Variants in QRICH2 observed in about 807,000 individuals in gnomAD.
The protein encoded by QRICH2 is glutamine-rich protein 2.
In QRICH2, 119 loss-of-function variants were observed where a neutral mutation model predicts 168.3. That is an observed-to-expected ratio of 0.71 (90% CI 0.61 to 0.82). The LOEUF is 0.82. Among genes scored for constraint, QRICH2 ranks in the 40% least tolerant of loss-of-function variants. QRICH2 has a pLI of 0.00. For missense variants in QRICH2, 2,241 were observed against 2,491.6 expected (o/e 0.90, Z 2.14); for synonymous variants, 894 against 951.2 (o/e 0.94, Z 1.11).
Position 76,307,917 on chromosome 17 carries a change from T to G in QRICH2, c.82A>C (p.Thr28Pro), listed in dbSNP as rs1436893039. 11 of 1,239,024 alleles carry G rather than the reference T, an allele frequency of 8.9e-6. No homozygotes were observed. The highest frequency in any genetic ancestry group is 1.1e-5 in the Non-Finnish European group (11 of 992,046). The allele number at this position is 1,239,024 out of a possible 1,614,324, so 76.8% of individuals were successfully genotyped here. Residue 28 changes from threonine to proline, a missense_variant, in exon 1 of 19, where the codon ACG (threonine) becomes CCG (proline). Transcript: ENST00000680821. This position sits in a 1 kb window ranked among gnomAD's most constrained non-coding sequence, Gnocchi z 5.3. ...GCCACGATGAGCGTGTGCAGGGCCG[T>G]GAAGTTGACGGCGCCCACCTCTGGC... ...GTPEVGAVNF[T>P]ALHTLIVAML...
In QRICH2 at chr17:76,274,163, C is replaced by G; in HGVS notation, c.5580G>C (p.Arg1860Ser). The G allele has an allele frequency of 6.3e-7, 1 of 1,582,706 alleles. No homozygotes were observed. The highest frequency in any genetic ancestry group is 8.5e-7 in the Non-Finnish European group (1 of 1,170,106). Residue 1860 changes from arginine to serine, a missense_variant, in exon 19 of 19, where the codon AGG becomes AGC. Physicochemically the swap from Arg to Ser is moderately radical, Grantham distance 110. Coordinates refer to ENST00000680821, the MANE Select transcript of QRICH2 (RefSeq NM_001388453.1). Reference protein sequence around the residue: ...HPPSSAAVANRGLERHVDMPP... With the variant: ...HPPSSAAVANSGLERHVDMPP... ...GCATGTCCACGTGCCTCTCCAGCCC[C>G]CTGTTTGCCACCGCGGCGGAGCTGG...
At position 76,292,974 on chromosome 17, in the gene QRICH2, C is replaced by T; in HGVS notation, c.1753G>A (p.Ala585Thr). The change falls in exon 4 of 19, where the codon GCA (alanine) becomes ACA (threonine). Residue 585 changes from alanine to threonine, a missense_variant. Physicochemically the swap from Ala to Thr is moderately conservative, Grantham distance 58. This residue lies in a region of QRICH2 where 2,047 missense variants were observed against 2,303.8 expected (regional missense o/e 0.89). Transcript: ENST00000680821. ...GGTTGGACCAAGCCAGGCTGATATG[C>T]ACCACGCTGCACCAAAGCACGCTGA... The part of the protein sequence containing the change: ...RFQRALVQRG[A>T]YQPGLVQPGA... 1 of 1,614,172 alleles carries T rather than the reference C, an allele frequency of 6.2e-7. No individual in the cohort carries two copies. The highest frequency in any genetic ancestry group is 8.5e-7 in the Non-Finnish European group (1 of 1,180,030).
chr17:76,303,804 C>T (rs2070943862), intron 3 of QRICH2, among the ~76,000 whole-genome samples: 1 of 140,958 alleles, frequency 7.1e-6, no homozygotes. Flanking sequence ...ACCCGGGAGG[C>T]GGAGCTTGCA....
At position 76,307,332 on chromosome 17, in the gene QRICH2, G is replaced by A. The variant is rs1567792201; in HGVS notation, c.534+133C>T. Reference sequence around the variant, plus strand: ...TATTTAGCCAGTCGCACTGAGGTCTGGCACCTCCTCGGTCCCCATCCCCTC... The same window carrying A: ...TATTTAGCCAGTCGCACTGAGGTCTAGCACCTCCTCGGTCCCCATCCCCTC... On this transcript the variant is annotated intron_variant, in intron 1 of 18. Transcript: ENST00000680821. This position sits in a 1 kb window ranked among gnomAD's most constrained non-coding sequence, Gnocchi z 5.3. 1.1e-6 allele frequency: 1 copy of A among 878,074 alleles called. No homozygotes were observed. The highest frequency in any genetic ancestry group is 1.8e-6 in the Non-Finnish European group (1 of 558,612). The allele number at this position is 878,074 out of a possible 1,614,324, so 54.4% of individuals were successfully genotyped here. A position where few individuals can be genotyped will look rare whatever the true frequency, so the allele number is the denominator to read the frequency against.
In QRICH2 at chr17:76,304,542, A is replaced by C. The variant is rs1453162339; in HGVS notation, c.595-17T>G. On this transcript the variant is annotated splice_polypyrimidine_tract_variant and intron_variant, in intron 2 of 18. Transcript: ENST00000680821. ...GACTAGTTCCTGACAGTGACAGAAA[A>C]GACACACACATACACCCCTTGATTA... The C allele has an allele frequency of 6.5e-7, 1 of 1,549,876 alleles. No homozygotes were observed. Among genetic ancestry groups the C allele is most frequent in the African/African-American group, 1.4e-5 (1 of 73,778 alleles).
At position 76,303,971 on chromosome 17, in the gene QRICH2, C is replaced by A. The variant is rs140980566; in HGVS notation, c.705+444G>T. Among the ~76,000 whole-genome samples the A allele has an allele frequency of 3.8e-3, 574 of 151,698 alleles. 1 individual carries two copies. The highest frequency in any genetic ancestry group is 0.013 in the African/African-American group (550 of 41,340). ...CCATGGTCCACTAATAAGGAAAGAT[C>A]CCTGCATTTCAGGACAGACTGTAAA... On this transcript the variant is annotated intron_variant, in intron 3 of 18. Coordinates refer to ENST00000680821, the MANE Select transcript of QRICH2 (RefSeq NM_001388453.1).
At position 76,304,916 on chromosome 17, in the gene QRICH2, A is replaced by G; in HGVS notation, c.560T>C (p.Leu187Pro). 1 of 1,613,734 alleles carries G rather than the reference A, an allele frequency of 6.2e-7. No homozygotes were observed. Among genetic ancestry groups the G allele is most frequent in the South Asian group, 1.1e-5 (1 of 91,082 alleles). The change falls in exon 2 of 19, where the codon CTA becomes CCA. Residue 187 changes from leucine to proline, a missense_variant. Physicochemically the swap from Leu to Pro is moderately conservative, Grantham distance 98. Around this residue, in one of 3 missense-constraint regions of QRICH2, gnomAD observed 2,047 missense variants for 2,303.8 expected, o/e 0.89. Coordinates refer to ENST00000680821, the MANE Select transcript of QRICH2 (RefSeq NM_001388453.1). Reference protein sequence around the residue: ...ARVLLQRVDELEKLFKDREQF... With the variant: ...ARVLLQRVDEPEKLFKDREQF... ...CTCCCGATCTTTGAATAGCTTCTCT[A>G]GTTCATCAACCCGCTGTAAAAGTAC...
chr17:76,276,042 G>C (rs2143108876), intron 17 of QRICH2, 95 bp from the exon 18 acceptor site: 63 of 1,459,602 alleles, frequency 4.3e-5, no homozygotes, highest in Non-Finnish European at 5.8e-5. Flanking sequence ...AGGGCTGCTG[G>C]TCATGGCCGG....
chr17:76,276,632 C>A, intron 17 of QRICH2, 48 bp downstream of exon 17: 1 of 1,445,230 alleles, frequency 6.9e-7, no homozygotes, highest in South Asian at 1.2e-5. Flanking sequence ...GGATGCACGC[C>A]CTGTGGGACC....
rs1346210330 is a variant in QRICH2 at position 76,308,202 on chromosome 17, C to G, written c.-204G>C. ...CCGGCGGGGTCCGCGATGGCCACCCCTCCGCTGTCTGTCGCTGGCCTCGGG... is the reference window on the plus strand; with the variant it reads ...CCGGCGGGGTCCGCGATGGCCACCCGTCCGCTGTCTGTCGCTGGCCTCGGG... On this transcript the variant is annotated 5_prime_UTR_variant, in exon 1 of 19. Coordinates refer to ENST00000680821, the MANE Select transcript of QRICH2 (RefSeq NM_001388453.1). 1.0e-6 allele frequency: 1 copy of G among 985,448 alleles called. No homozygotes were observed. Among genetic ancestry groups the G allele is most frequent in the East Asian group, 1.1e-4 (1 of 8,814 alleles). The allele number at this position is 985,448 out of a possible 1,614,324, so 61.0% of individuals were successfully genotyped here. A position where few individuals can be genotyped will look rare whatever the true frequency, so the allele number is the denominator to read the frequency against.
chr17:76,278,699 G>A lies in QRICH2; in HGVS notation c.4916+342C>T, dbSNP rs112306266. ...ACCCTCCCCCCACCGCTCTAATCCC[G>A]GGGTTGCTGAGACAGCCGAAGGCTG... On this transcript the variant is annotated intron_variant, in intron 14 of 18. Coordinates refer to ENST00000680821, the MANE Select transcript of QRICH2 (RefSeq NM_001388453.1). 1.1e-3 allele frequency among the ~76,000 whole-genome samples: 168 copies of A among 152,328 alleles called. 1 individual carries two copies. The highest frequency in any genetic ancestry group is 3.9e-3 in the African/African-American group (161 of 41,582).
chr17:76,291,823 C>T lies in QRICH2; in HGVS notation c.2904G>A (p.Gln968=), dbSNP rs1394335715. 3 of 1,614,058 alleles carry T rather than the reference C, an allele frequency of 1.9e-6. No homozygotes were observed. Among genetic ancestry groups the T allele is most frequent in the Admixed American group, 1.7e-5 (1 of 59,994 alleles). ...ATGCACCAGGTTGTCTCAAACCATA[C>T]TGATCCATTCCTGGCTGCACCAGAC... is the stretch of plus-strand genomic sequence containing the variant. ...PRGLVQPGMD[Q]YGLRQPGAYQ... Residue 968 remains glutamine (Q), a synonymous_variant, in exon 4 of 19, where the codon CAG becomes CAA. Transcript: ENST00000680821.
chr17:76,287,792 C>T lies in QRICH2; in HGVS notation c.3896+8G>A, dbSNP rs377284113. ...GGGGACCAGCTGCTCTTAGCTGGGG[C>T]ATTTTACCTGAGGACACCCAGCTGC... On this transcript the variant is annotated splice_region_variant and intron_variant, in intron 6 of 18. Coordinates refer to ENST00000680821, the MANE Select transcript of QRICH2 (RefSeq NM_001388453.1). 1.2e-6 allele frequency: 2 copies of T among 1,606,560 alleles called. No homozygotes were observed. Among genetic ancestry groups the T allele is most frequent in the Non-Finnish European group, 8.5e-7 (1 of 1,173,292 alleles).
At position 76,287,184 on chromosome 17, in the gene QRICH2, A is replaced by G. The variant is rs1210144888; in HGVS notation, c.4011+8T>C. The G allele has an allele frequency of 6.2e-7, 1 of 1,600,910 alleles. No individual in the cohort carries two copies. The highest frequency in any genetic ancestry group is 2.2e-5 in the East Asian group (1 of 44,830). Reference sequence around the variant, plus strand: ...GGTCCCTGGAGCTAAAGAGTGGGGAATCCTCACCTGGTCCTGCAGGTAAAG... The same window carrying G: ...GGTCCCTGGAGCTAAAGAGTGGGGAGTCCTCACCTGGTCCTGCAGGTAAAG... On this transcript the variant is annotated splice_region_variant and intron_variant, in intron 7 of 18. Coordinates refer to ENST00000680821, the MANE Select transcript of QRICH2 (RefSeq NM_001388453.1).
At position 76,282,041 on chromosome 17, in the gene QRICH2, C is replaced by T. The variant is rs74425099; in HGVS notation, c.4086G>A (p.Pro1362=). The T allele has an allele frequency of 7.3e-4, 1,180 of 1,613,374 alleles. 1 individual carries two copies. The African/African-American group carries it at 0.015, about 20-fold the overall frequency. ...CAGGAGCCAAGGTGTGGGCCTTGTG[C>T]GGGGCCATGCTCATGGACAGGAGCG... The part of the protein sequence containing the change: ...SSTLLSMSMA[P]HKAHTLAPGQ... Residue 1362 remains proline (P), a synonymous_variant, in exon 8 of 19, where the codon CCG becomes CCA. Coordinates refer to ENST00000680821, the MANE Select transcript of QRICH2 (RefSeq NM_001388453.1).
intron 7 of QRICH2, among the ~76,000 whole-genome samples, chr17:76,283,303 A>C (rs970579167): frequency 2.6e-5 from 4 of 152,266 alleles, no homozygotes; most frequent in African/African-American, 9.6e-5. Flanking sequence ...GCAGGAAAGA[A>C]TAGGAGTGTG....
intron 14 of QRICH2, 115 bp from the exon 15 acceptor site, chr17:76,278,304 G>A: frequency 4.9e-6 from 5 of 1,015,382 alleles, no homozygotes; most frequent in Non-Finnish European, 7.3e-6. Context: ...GCTAGGCTGG[G>A]GGTCGCTGGG....
At chr17:76,303,730 A>G (rs890172240) in intron 3 of QRICH2, among the ~76,000 whole-genome samples, 2 of 151,744 alleles carry the variant, frequency 1.3e-5, no homozygotes, top group African/African-American at 4.8e-5. Flanking sequence ...GAAATTAGCC[A>G]GGCGTGGTGG....
intron 3 of QRICH2, among the ~76,000 whole-genome samples, chr17:76,299,987 C>T (rs1456511651): frequency 3.3e-5 from 5 of 151,962 alleles, no homozygotes; most frequent in Middle Eastern, 3.4e-3. Flanking sequence ...CACACCACCA[C>T]GCCCAGCTAA....
Sources: gnomAD v4.1 joint callset for allele counts (sites outside exome capture counted in the v4.1 genomes callset) on GRCh38, gnomAD v4.1.1 for gene constraint, gnomAD v4.1.1 regional missense constraint, Gnocchi (gnomAD v3.1) non-coding constraint, MANE v1.5 for transcripts, NCBI Gene and HGNC (gene_info 2026-07-23, HGNC 2026-07-21) for gene names.